The following POM121 variants were observed in gnomAD, a reference collection of about 807,000 sequenced individuals.
POM121 encodes POM121 transmembrane nucleoporin, also known as nuclear envelope pore membrane protein POM 121.
A neutral mutation model predicts 81.3 loss-of-function variants in POM121; 32 were observed. The ratio of observed to expected loss-of-function variants is 0.39; its 90% CI spans 0.30 to 0.53. The LOEUF (loss-of-function observed/expected upper bound fraction) is 0.53. POM121 is among the 20% of genes least tolerant of loss of function. The pLI is 0.66. For missense variants in POM121, 1,138 were observed against 1,614.6 expected (o/e 0.70, Z 5.06); for synonymous variants, 514 against 694.2 (o/e 0.74, Z 4.08).
rs565315389 is a variant in POM121 at position 72,942,758 on chromosome 7, G to A, written c.2765G>A (p.Gly922Asp). The A allele has an allele frequency of 7.9e-5, 111 of 1,400,592 alleles. No homozygotes were observed. The highest frequency in any genetic ancestry group is 8.9e-5 in the Non-Finnish European group (93 of 1,045,184). The allele number at this position is 1,400,592 out of a possible 1,614,324, so 86.8% of individuals were successfully genotyped here. Residue 922 changes from glycine to aspartate, a missense_variant, in exon 11 of 13, where the codon GGC becomes GAC. Around this residue, in one of 7 missense-constraint regions of POM121, gnomAD observed 25 missense variants for 229.8 expected, o/e 0.11. Coordinates refer to ENST00000434423, the MANE Select transcript of POM121 (RefSeq NM_001387691.1). The part of the protein sequence containing the change: ...SSSAADFSGF[G>D]STLATSAPAT... Reference sequence around the variant, plus strand: ...AGCGCTGCCGACTTTAGTGGTTTTGGCAGCACCCTCGCCACCTCCGCCCCG... The same window carrying A: ...AGCGCTGCCGACTTTAGTGGTTTTGACAGCACCCTCGCCACCTCCGCCCCG...
upstream of POM121, among the ~76,000 whole-genome samples, chr7:72,923,894 C>T (rs1554496505): frequency 6.6e-6 from 1 of 151,674 alleles, no homozygotes; most frequent in South Asian, 2.1e-4. Context: ...GCCACCGCGC[C>T]TGGCCTTCTT....
At chr7:72,895,743 T>C (rs1791880689) in intron 3 of POM121, among the ~76,000 whole-genome samples, 1 of 151,786 alleles carries the variant, frequency 6.6e-6, no homozygotes, top group Non-Finnish European at 1.5e-5. Context: ...AACCCGTCTC[T>C]ACTAAATATA....
At chr7:72,921,487 A>T (rs1794815531), upstream of POM121, among the ~76,000 whole-genome samples, 2 of 151,968 alleles carry the variant, frequency 1.3e-5, no homozygotes, top group African/African-American at 4.8e-5. Context: ...CTGTGCTCAG[A>T]CTCCAGCTCT....
At chr7:72,899,534 C>T (rs1341742857) in intron 3 of POM121, among the ~76,000 whole-genome samples, 3 of 151,600 alleles carry the variant, frequency 2.0e-5, no homozygotes, top group Non-Finnish European at 2.9e-5. Context: ...AGCATTCACC[C>T]GGTCACCATC....
At chr7:72,934,234 A>T (rs1225185160) in intron 5 of POM121, among the ~76,000 whole-genome samples, 1 of 151,366 alleles carries the variant, frequency 6.6e-6, no homozygotes, top group African/African-American at 2.4e-5. Flanking sequence ...ACAGGCACCC[A>T]CCACCATGCC....
At chr7:72,948,951 G>A (rs1797901444), downstream of POM121, 2 of 1,611,952 alleles carry the variant, frequency 1.2e-6, no homozygotes, top group African/African-American at 2.7e-5. Flanking sequence ...TCTCCTCCTG[G>A]CAGAGGGAGC....
chr7:72,910,846 C>G (rs775689759), intron 3 of POM121, among the ~76,000 whole-genome samples: 10 of 152,072 alleles, frequency 6.6e-5, no homozygotes, highest in Non-Finnish European at 1.3e-4. Flanking sequence ...AGACTCTGCT[C>G]TAACAGATAA....
At chr7:72,915,150 C>G (rs1334050928) in intron 4 of POM121, among the ~76,000 whole-genome samples, 1 of 152,116 alleles carries the variant, frequency 6.6e-6, no homozygotes, top group African/African-American at 2.4e-5. Context: ...GACAGTTCTT[C>G]CCTGGTAATG....
chr7:72,928,818 G>A (rs1795732812), intron 4 of POM121, among the ~76,000 whole-genome samples: 1 of 152,192 alleles, frequency 6.6e-6, no homozygotes. Flanking sequence ...CAAATTGGAG[G>A]AAGAATTGGG....
intron 3 of POM121, among the ~76,000 whole-genome samples, chr7:72,911,524 C>A (rs1554494273): frequency 6.6e-6 from 1 of 152,188 alleles, no homozygotes; most frequent in African/African-American, 2.4e-5. Flanking sequence ...GGCAGTAAAA[C>A]CCCATCTCCA....
chr7:72,891,861 T>C (rs1554490953), intron 3 of POM121, among the ~76,000 whole-genome samples: 1 of 152,234 alleles, frequency 6.6e-6, no homozygotes, highest in Non-Finnish European at 1.5e-5. Flanking sequence ...TTTATTTCTT[T>C]AGGCATTCAG....
rs551903159 is a variant in POM121 at position 72,948,172 on chromosome 7, G to A, written c.*1938G>A. On this transcript the variant is annotated 3_prime_UTR_variant, in exon 13 of 13. Coordinates refer to ENST00000434423, the MANE Select transcript of POM121 (RefSeq NM_001387691.1). Reference sequence around the variant, plus strand: ...TACAGTACACGCACTGGACGGCAGCGGGAGGCTGGGACTTTCCATTACAAA... The same window carrying A: ...TACAGTACACGCACTGGACGGCAGCAGGAGGCTGGGACTTTCCATTACAAA... 59 of 1,434,878 alleles carry A rather than the reference G, an allele frequency of 4.1e-5. No individual in the cohort carries two copies. The South Asian group carries it at 5.0e-4, about 12-fold the overall frequency. The allele number at this position is 1,434,878 out of a possible 1,614,324, so 88.9% of individuals were successfully genotyped here. A position where few individuals can be genotyped will look rare whatever the true frequency, so the allele number is the denominator to read the frequency against.
intron 3 of POM121, among the ~76,000 whole-genome samples, chr7:72,902,721 G>A (rs1366655628): frequency 6.6e-6 from 1 of 151,996 alleles, no homozygotes; most frequent in African/African-American, 2.4e-5. Context: ...GTAGAGAGGG[G>A]GTTTCACCAT....
upstream of POM121, chr7:72,925,026 A>G (rs1795213695): frequency 3.8e-6 from 5 of 1,331,568 alleles, no homozygotes; most frequent in Non-Finnish European, 4.8e-6. Context: ...CGTCTCCCGG[A>G]GTCGCGCGCG....
At chr7:72,888,333 GTAT>G (rs1261422126) in intron 1 of POM121, among the ~76,000 whole-genome samples, 1 of 152,086 alleles carries the variant, frequency 6.6e-6, no homozygotes, top group Non-Finnish European at 1.5e-5. Flanking sequence ...TGGTATCTCT[GTAT>G]TATTAAGTTG....
intron 3 of POM121, among the ~76,000 whole-genome samples, chr7:72,912,015 C>A (rs1793853064): frequency 6.6e-6 from 1 of 152,194 alleles, no homozygotes; most frequent in South Asian, 2.1e-4. Context: ...CCTCAGCCTC[C>A]TGAGTAGCTG....
At chr7:72,917,416 CCCGTGTAACA>C (rs1554495258) in intron 4 of POM121, among the ~76,000 whole-genome samples, 5 of 152,178 alleles carry the variant, frequency 3.3e-5, no homozygotes, top group Admixed American at 6.5e-5. Flanking sequence ...CTGGACAAAG[CCCGTGTAACA>C]CCTGAGTGCT....
intron 3 of POM121, among the ~76,000 whole-genome samples, chr7:72,901,504 G>A (rs1470282414): frequency 8.6e-5 from 13 of 151,810 alleles, no homozygotes; most frequent in South Asian, 2.1e-4. Flanking sequence ...ACAGGCGCCC[G>A]CCACCGTGCC....
intron 6 of POM121, 87 bp from the exon 7 acceptor site, chr7:72,939,249 A>G: frequency 6.5e-7 from 1 of 1,529,106 alleles, no homozygotes; most frequent in Non-Finnish European, 8.9e-7. Context: ...GACATTGGCC[A>G]CTTGGTAGTT....
Sources: allele counts gnomAD v4.1 joint callset (sites outside exome capture counted in the v4.1 genomes callset), GRCh38; gene constraint gnomAD v4.1.1; regional missense constraint gnomAD v4.1.1; transcripts MANE v1.5; gene names NCBI Gene and HGNC (gene_info 2026-07-23, HGNC 2026-07-21).